Variants in ALLC observed in about 807,000 individuals in gnomAD.
ALLC encodes probable inactive allantoicase.
In ALLC, 40 loss-of-function variants were observed where a neutral mutation model predicts 45.0. The observed-to-expected ratio is 0.89, with a 90% CI of 0.69 to 1.16. ALLC has a LOEUF of 1.16. Ranked by LOEUF, ALLC falls within the 50% of genes most tolerant of loss-of-function variation. The pLI, the probability that ALLC is intolerant of heterozygous loss-of-function variation, is 0.00. For synonymous variants in ALLC, 176 were observed against 178.1 expected (o/e 0.99, Z 0.09); for missense variants, 488 against 493.1 (o/e 0.99, Z 0.10).
intron 1 of ALLC, among the ~76,000 whole-genome samples, chr2:3,664,884 C>CA (rs796912123): frequency 0.049 from 6,247 of 128,268 alleles, 401 homozygotes; most frequent in African/African-American, 0.15. Context: ...ACTCTGTCTC[C>CA]AAAAAAAAAA....
At chr2:3,669,727 G>A (rs1183164670) in intron 1 of ALLC, among the ~76,000 whole-genome samples, 1 of 152,198 alleles carries the variant, frequency 6.6e-6, no homozygotes, top group Non-Finnish European at 1.5e-5. Flanking sequence ...CAGACTGGGT[G>A]CGAGGAAGGG....
chr2:3,696,304 G>C lies in ALLC; in HGVS notation c.697G>C (p.Gly233Arg). ...TGGCGGGGCAAAGTCTATGGCGGAT[G>C]GTTGGGAAACTGCAAGAAGGCTGGA... is the stretch of plus-strand genomic sequence containing the variant. ...GVGGAKSMADGWETARRLDRP... is the reference protein window; with the variant it reads ...GVGGAKSMADRWETARRLDRP... The change falls in exon 9 of 12, where the codon GGT (glycine) becomes CGT (arginine). Residue 233 changes from glycine (G) to arginine (R), a missense_variant. Physicochemically the swap from Gly to Arg is moderately radical, Grantham distance 125. Coordinates refer to ENST00000252505, the MANE Select transcript of ALLC (RefSeq NM_018436.4). The C allele has an allele frequency of 6.2e-7, 1 of 1,613,604 alleles. No homozygotes were observed. The highest frequency in any genetic ancestry group is 8.5e-7 in the Non-Finnish European group (1 of 1,179,708).
At position 3,671,321 on chromosome 2, in the gene ALLC, C is replaced by T. The variant is rs143132196; in HGVS notation, c.33+131C>T. On this transcript the variant is annotated intron_variant, in intron 2 of 11. Coordinates refer to ENST00000252505, the MANE Select transcript of ALLC (RefSeq NM_018436.4). The stretch of plus-strand genomic sequence containing the variant: ...AAGTGTTGGCCTGCCCAAGGAAACC[C>T]GTTAGCGAGAAAGACTTCCAAAGAA... 8.7e-5 allele frequency: 89 copies of T among 1,027,036 alleles called. No homozygotes were observed. The East Asian group carries it at 1.8e-3, about 21-fold the overall frequency. The allele number at this position is 1,027,036 out of a possible 1,614,324, so 63.6% of individuals were successfully genotyped here. A position where few individuals can be genotyped will look rare whatever the true frequency, so the allele number is the denominator to read the frequency against.
At chr2:3,689,465 T>G (rs1271958878) in intron 7 of ALLC, among the ~76,000 whole-genome samples, 1 of 151,138 alleles carries the variant, frequency 6.6e-6, no homozygotes, top group Non-Finnish European at 1.5e-5. Context: ...TACTGACCCA[T>G]TTGTTGTTCA....
intron 1 of ALLC, among the ~76,000 whole-genome samples, chr2:3,667,337 C>G (rs1010741900): frequency 1.3e-5 from 2 of 152,218 alleles, no homozygotes; most frequent in African/African-American, 4.8e-5. Flanking sequence ...TGCTCAGCCC[C>G]GGGCATGGCG....
intron 6 of ALLC, among the ~76,000 whole-genome samples, chr2:3,682,437 G>A (rs1273124173): frequency 1.3e-5 from 2 of 152,298 alleles, no homozygotes; most frequent in African/African-American, 4.8e-5. Context: ...AACAAAACAG[G>A]CCTTTATTCT....
chr2:3,681,489 G>T (rs1468336473), intron 5 of ALLC, 145 bp from the exon 6 acceptor site: 1 of 533,828 alleles, frequency 1.9e-6, no homozygotes, highest in Non-Finnish European at 3.3e-6. Flanking sequence ...TTCAACAAGT[G>T]TGTCTATTAC....
chr2:3,696,309 G>A lies in ALLC; in HGVS notation c.702G>A (p.Trp234Ter). ...GGGCAAAGTCTATGGCGGATGGTTGGGAAACTGCAAGAAGGCTGGACCGGC... is the reference window on the plus strand; with the variant it reads ...GGGCAAAGTCTATGGCGGATGGTTGAGAAACTGCAAGAAGGCTGGACCGGC... ...VGGAKSMADG[W>*]ETARRLDRPP... The change falls in exon 9 of 12, where the codon TGG becomes TGA. Residue 234 changes from tryptophan (W) to a stop codon, truncating the protein, a stop_gained. Transcript: ENST00000252505. LOFTEE classifies it high-confidence loss of function. The A allele has an allele frequency of 6.2e-7, 1 of 1,613,520 alleles. No individual in the cohort carries two copies. The highest frequency in any genetic ancestry group is 2.2e-5 in the East Asian group (1 of 44,874).
At chr2:3,652,876 C>T in the ALLC span, among the ~76,000 whole-genome samples, 1 of 152,164 alleles carries the variant, frequency 6.6e-6, no homozygotes, top group African/African-American at 2.4e-5. Context: ...GCCACCACGC[C>T]TGGCCAAAAC....
Position 3,702,428 on chromosome 2 carries a change from C to G in ALLC, c.1041C>G (p.His347Gln). The G allele has an allele frequency of 6.2e-7, 1 of 1,613,152 alleles. No individual in the cohort carries two copies. Among genetic ancestry groups the G allele is most frequent in the Admixed American group, 1.7e-5 (1 of 60,010 alleles). Residue 347 changes from histidine (H) to glutamine (Q), a missense_variant, in exon 12 of 12, where the codon CAC becomes CAG. Physicochemically the swap from His to Gln is conservative, Grantham distance 24. Transcript: ENST00000252505. ...TAGAGCTCCAAGATGTCATCACTCA[C>G]GCCAGGCTCACCATCGTCCCCGACG... ...LTLELQDVIT[H>Q]ARLTIVPDGG...
At chr2:3,694,021 T>A (rs1184530150) in intron 7 of ALLC, among the ~76,000 whole-genome samples, 2 of 151,966 alleles carry the variant, frequency 1.3e-5, no homozygotes, top group Non-Finnish European at 2.9e-5. Flanking sequence ...AACAAAAAAC[T>A]GCAAAATAGT....
At chr2:3,681,762 G>GCAGTTTCCCTACTCTCC in intron 6 of ALLC, 49 bp downstream of exon 6, 2 of 1,449,636 alleles carry the variant, frequency 1.4e-6, no homozygotes, top group Non-Finnish European at 1.9e-6. Context: ...TATTAGGAGA[G>GCAGTTTCCCTACTCTCC]TAGGGAAACT....
the ALLC span, among the ~76,000 whole-genome samples, chr2:3,648,273 C>T: frequency 1.3e-5 from 2 of 152,196 alleles, no homozygotes; most frequent in African/African-American, 4.8e-5. Context: ...TTCTCCCTGA[C>T]ACGTCTCCCA....
At chr2:3,674,378 T>G (rs13409383) in intron 3 of ALLC, among the ~76,000 whole-genome samples, 1 of 152,206 alleles carries the variant, frequency 6.6e-6, no homozygotes, top group African/African-American at 2.4e-5. Context: ...CAAATACTGC[T>G]CTTCTGGGTA....
intron 7 of ALLC, among the ~76,000 whole-genome samples, chr2:3,686,820 T>C (rs1474026726): frequency 6.6e-6 from 1 of 151,196 alleles, no homozygotes; most frequent in African/African-American, 2.4e-5. Context: ...AATTAGTTTA[T>C]CAGTTCTAAT....
the ALLC span, among the ~76,000 whole-genome samples, chr2:3,651,405 GT>G: frequency 6.6e-5 from 3 of 45,180 alleles, no homozygotes; most frequent in Admixed American, 3.2e-4. Context: ...GTGTGTGTGT[GT>G]GTGTGTGTGT....
the ALLC span, among the ~76,000 whole-genome samples, chr2:3,647,152 G>A: frequency 2.9e-3 from 434 of 152,230 alleles, 1 homozygote; most frequent in African/African-American, 9.9e-3. Flanking sequence ...CAGGGGTTGC[G>A]CGTGTGATGA....
At chr2:3,696,514 T>C (rs1667678163) in intron 9 of ALLC, among the ~76,000 whole-genome samples, 166 bp downstream of exon 9, 1 of 152,252 alleles carries the variant, frequency 6.6e-6, no homozygotes, top group Non-Finnish European at 1.5e-5. Flanking sequence ...TTTCATAATA[T>C]CAGGGCAGAG....
intron 1 of ALLC, among the ~76,000 whole-genome samples, chr2:3,662,607 T>C (rs2147991943): frequency 6.6e-6 from 1 of 152,378 alleles, no homozygotes; most frequent in Admixed American, 6.5e-5. Flanking sequence ...ATATAATTTT[T>C]ATTTTACAAA....
Sources: allele counts gnomAD v4.1 joint callset (sites outside exome capture counted in the v4.1 genomes callset), GRCh38; gene constraint gnomAD v4.1.1; transcripts MANE v1.5; gene names NCBI Gene and HGNC (gene_info 2026-07-23, HGNC 2026-07-21).